Variants in CSGALNACT1 observed in about 807,000 individuals in gnomAD.
CSGALNACT1 encodes beta4GalNAcT-1.
CSGALNACT1 carries 52 observed loss-of-function variants against 51.0 expected under a neutral mutation model. The ratio of observed to expected loss-of-function variants is 1.02; its 90% CI spans 0.82 to 1.29. The LOEUF (loss-of-function observed/expected upper bound fraction) is 1.29. Among genes scored for constraint, CSGALNACT1 ranks in the 50% most tolerant of loss-of-function variants. CSGALNACT1 has a pLI of 0.00. For synonymous variants in CSGALNACT1, 341 were observed against 254.4 expected (o/e 1.34, Z -3.24); for missense variants, 935 against 679.2 (o/e 1.38, Z -4.19).
At chr8:19,503,996 C>T (rs1373579484) in intron 4 of CSGALNACT1, among the ~76,000 whole-genome samples, 1 of 152,184 alleles carries the variant, frequency 6.6e-6, no homozygotes, top group African/African-American at 2.4e-5. Context: ...TCAGTTTTGC[C>T]TGTAGGCCCA....
intron 4 of CSGALNACT1, among the ~76,000 whole-genome samples, chr8:19,493,597 T>C (rs1473942842): frequency 6.6e-6 from 1 of 152,222 alleles, no homozygotes. Flanking sequence ...ATAGGACATG[T>C]AGTCTTTGAC....
At chr8:19,675,655 G>T (rs2060122466) in intron 1 of CSGALNACT1, among the ~76,000 whole-genome samples, 1 of 152,086 alleles carries the variant, frequency 6.6e-6, no homozygotes, top group Admixed American at 6.6e-5. Context: ...ACCACATCCA[G>T]CTAATTTTTT....
chr8:19,598,180 C>T (rs7836415), intron 2 of CSGALNACT1, among the ~76,000 whole-genome samples: 3,621 of 152,248 alleles, frequency 0.024, 154 homozygotes, highest in African/African-American at 0.083. Flanking sequence ...GAGCTCAAAA[C>T]AGAATGGGAA....
chr8:19,683,036 C>G (rs913435877), upstream of CSGALNACT1: 3 of 249,632 alleles, frequency 1.2e-5, no homozygotes, highest in Non-Finnish European at 2.4e-5. Context: ...CCCTGGAGAC[C>G]GTGATTTGCC....
At chr8:19,552,615 G>T (rs1409044762) in intron 3 of CSGALNACT1, among the ~76,000 whole-genome samples, 1 of 152,104 alleles carries the variant, frequency 6.6e-6, no homozygotes, top group East Asian at 1.9e-4. Flanking sequence ...AATTAAAGAT[G>T]GACTTTTTAT....
At chr8:19,408,739 C>A in intron 8 of CSGALNACT1, 45 bp from the exon 8 acceptor site, 1 of 1,569,522 alleles carries the variant, frequency 6.4e-7, no homozygotes, top group African/African-American at 1.4e-5. Context: ...TTAGGGTGGA[C>A]AAAAATAGAG....
chr8:19,592,610 C>T (rs967535851), intron 2 of CSGALNACT1, among the ~76,000 whole-genome samples: 8 of 151,996 alleles, frequency 5.3e-5, no homozygotes, highest in Admixed American at 4.6e-4. Flanking sequence ...AAAATTTAGG[C>T]AGATGTAGTG....
intron 1 of CSGALNACT1, among the ~76,000 whole-genome samples, chr8:19,617,400 C>G (rs1041855199): frequency 1.3e-5 from 2 of 152,124 alleles, no homozygotes; most frequent in Admixed American, 1.3e-4. Context: ...AAAAGAAATA[C>G]CTAGTCTCAG....
At chr8:19,622,903 C>A (rs753903324) in intron 1 of CSGALNACT1, among the ~76,000 whole-genome samples, 4 of 151,976 alleles carry the variant, frequency 2.6e-5, no homozygotes, top group Non-Finnish European at 5.9e-5. Flanking sequence ...CCAATAGATA[C>A]CCCAATTACA....
chr8:19,738,551 C>T (rs1263587541), intron 1 of CSGALNACT1, among the ~76,000 whole-genome samples: 3 of 152,118 alleles, frequency 2.0e-5, no homozygotes, highest in Admixed American at 2.0e-4. Flanking sequence ...AGGAGATGAA[C>T]ATTCGTGATG....
At chr8:19,635,280 G>A (rs1384038603) in intron 1 of CSGALNACT1, among the ~76,000 whole-genome samples, 7 of 152,216 alleles carry the variant, frequency 4.6e-5, no homozygotes, top group Non-Finnish European at 1.0e-4. Context: ...GCCCGTGCAA[G>A]GCCAAGGGCA....
intron 1 of CSGALNACT1, among the ~76,000 whole-genome samples, chr8:19,716,032 G>T (rs556505499): frequency 1.1e-3 from 160 of 152,296 alleles, no homozygotes; most frequent in African/African-American, 3.7e-3. Context: ...GTCGGAGGTT[G>T]TTCTCTTATT....
intron 3 of CSGALNACT1, among the ~76,000 whole-genome samples, chr8:19,521,360 T>C (rs2080652600): frequency 6.6e-6 from 1 of 151,836 alleles, no homozygotes; most frequent in Non-Finnish European, 1.5e-5. Flanking sequence ...ACCAATTACA[T>C]GAGGAGAAAA....
intron 4 of CSGALNACT1, among the ~76,000 whole-genome samples, chr8:19,466,590 G>C (rs889655415): frequency 2.0e-5 from 3 of 151,126 alleles, no homozygotes; most frequent in African/African-American, 7.4e-5. Flanking sequence ...CAGATCACAT[G>C]AGATAAATGA....
chr8:19,423,772 G>T (rs903462894), intron 6 of CSGALNACT1, among the ~76,000 whole-genome samples: 2 of 152,118 alleles, frequency 1.3e-5, no homozygotes, highest in African/African-American at 4.8e-5. Flanking sequence ...AAGGCAATTT[G>T]CTTCCTTTCT....
intron 2 of CSGALNACT1, among the ~76,000 whole-genome samples, chr8:19,601,393 T>C (rs1473944578): frequency 6.6e-6 from 1 of 152,204 alleles, no homozygotes; most frequent in Non-Finnish European, 1.5e-5. Flanking sequence ...TTTAAAAAGC[T>C]CAGTATTCTG....
chr8:19,493,666 C>T (rs2074865029), intron 4 of CSGALNACT1, among the ~76,000 whole-genome samples: 1 of 152,150 alleles, frequency 6.6e-6, no homozygotes, highest in Non-Finnish European at 1.5e-5. Flanking sequence ...AGCATGTTAT[C>T]AGTAATTCAT....
intron 3 of CSGALNACT1, among the ~76,000 whole-genome samples, chr8:19,508,716 G>C (rs1239326236): frequency 6.6e-6 from 1 of 152,220 alleles, no homozygotes; most frequent in Non-Finnish European, 1.5e-5. Flanking sequence ...CAAAAATGGA[G>C]TAGTCAACAC....
intron 3 of CSGALNACT1, among the ~76,000 whole-genome samples, chr8:19,563,034 C>A (rs2041117276): frequency 6.6e-6 from 1 of 152,114 alleles, no homozygotes; most frequent in African/African-American, 2.4e-5. Flanking sequence ...ACCCAAATGC[C>A]CATCAATGAT....
Sources: gnomAD v4.1 joint callset for allele counts (sites outside exome capture counted in the v4.1 genomes callset) on GRCh38, gnomAD v4.1.1 for gene constraint, MANE v1.5 for transcripts, NCBI Gene and HGNC (gene_info 2026-07-23, HGNC 2026-07-21) for gene names.